The following DOCK1 variants were observed in gnomAD, a reference collection of about 807,000 sequenced individuals.
DOCK1 encodes the protein dedicator of cytokinesis protein 1.
Under a neutral mutation model 262.7 loss-of-function variants are expected in DOCK1, and 138 were observed. That is an observed-to-expected ratio of 0.53 (90% CI 0.46 to 0.61). The LOEUF (loss-of-function observed/expected upper bound fraction) is 0.61. Among genes scored for constraint, DOCK1 ranks in the 20% least tolerant of loss-of-function variants. DOCK1 has a pLI of 0.00. For synonymous variants in DOCK1, 866 were observed against 867.4 expected (o/e 1.00, Z 0.03); for missense variants, 1,908 against 2,370.7 (o/e 0.80, Z 4.05).
Position 127,039,705 on chromosome 10 carries a change from G to A in DOCK1, c.2010+1889G>A, listed in dbSNP as rs114070686. Among the ~76,000 whole-genome samples the A allele has an allele frequency of 4.2e-3, 636 of 152,232 alleles. 2 individuals are homozygous for A. The highest frequency in any genetic ancestry group is 0.014 in the African/African-American group (594 of 41,538). ...GGACTTGAGGAATTCCTGCCTGCAC[G>A]GGGCTCCTTTTGCTGATAGGGATGC... On this transcript the variant is annotated intron_variant, in intron 19 of 51. Transcript: ENST00000623213.
chr10:127,334,201 G>A (rs917942868), intron 29 of DOCK1, among the ~76,000 whole-genome samples: 4 of 152,224 alleles, frequency 2.6e-5, no homozygotes, highest in Non-Finnish European at 4.4e-5. Flanking sequence ...ACAACGTTCC[G>A]AAGGTCAGGT....
At chr10:127,448,033 G>A (rs1346842727) in intron 51 of DOCK1, among the ~76,000 whole-genome samples, 1 of 152,196 alleles carries the variant, frequency 6.6e-6, no homozygotes, top group Non-Finnish European at 1.5e-5. Flanking sequence ...CTCACCTGGT[G>A]CTGGGAGCTC....
intron 25 of DOCK1, among the ~76,000 whole-genome samples, chr10:127,111,768 C>T (rs2048880281): frequency 6.6e-6 from 1 of 152,196 alleles, no homozygotes; most frequent in Non-Finnish European, 1.5e-5. Context: ...CATACTGCAT[C>T]ACCAGCACTA....
In DOCK1 at chr10:127,012,907, C is replaced by T. The variant is rs1481786936; in HGVS notation, c.1201+533C>T. ...TGGTGACAGTTGGCACTTGGCTGGCCAGGAGGGCTGCCAGGAAACAACTGT... is the reference window on the plus strand; with the variant it reads ...TGGTGACAGTTGGCACTTGGCTGGCTAGGAGGGCTGCCAGGAAACAACTGT... On this transcript the variant is annotated intron_variant, in intron 12 of 51. Transcript: ENST00000623213. This position sits in a 1 kb window ranked among gnomAD's most constrained non-coding sequence, Gnocchi z 4.0. 2.0e-5 allele frequency among the ~76,000 whole-genome samples: 3 copies of T among 152,158 alleles called. No homozygotes were observed. Among genetic ancestry groups the T allele is most frequent in the Non-Finnish European group, 4.4e-5 (3 of 68,034 alleles).
intron 1 of DOCK1, among the ~76,000 whole-genome samples, chr10:126,945,426 G>T (rs925485364): frequency 6.6e-5 from 10 of 151,878 alleles, no homozygotes; most frequent in Non-Finnish European, 1.5e-4. Flanking sequence ...GCAGCGGAGA[G>T]GGGGAGAGGG....
intron 27 of DOCK1, chr10:127,145,922 G>A (rs1354977477): frequency 2.0e-6 from 1 of 494,690 alleles, no homozygotes; most frequent in Non-Finnish European, 4.0e-6. Context: ...ATTCCTGCAG[G>A]AGGTCCCTTC....
At chr10:126,949,930 A>T (rs2036047380) in intron 1 of DOCK1, among the ~76,000 whole-genome samples, 1 of 151,970 alleles carries the variant, frequency 6.6e-6, no homozygotes, top group Non-Finnish European at 1.5e-5. Context: ...GCCGCGTGTT[A>T]TGCAGCATGC....
intron 1 of DOCK1, among the ~76,000 whole-genome samples, chr10:126,941,679 C>T (rs1380213282): frequency 3.9e-5 from 6 of 151,986 alleles, no homozygotes; most frequent in Non-Finnish European, 8.8e-5. Context: ...GGCGTGAACC[C>T]GGGAGGCGGA....
chr10:127,164,763 ATTT>A (rs1348327996), intron 27 of DOCK1, among the ~76,000 whole-genome samples: 1 of 152,172 alleles, frequency 6.6e-6, no homozygotes, highest in African/African-American at 2.4e-5. Flanking sequence ...AGTAATTATT[ATTT>A]TGTGTGTGGA....
At chr10:127,000,068 C>T in intron 9 of DOCK1, 104 bp from the exon 10 acceptor site, 1 of 1,263,786 alleles carries the variant, frequency 7.9e-7, no homozygotes, top group Non-Finnish European at 1.1e-6. Flanking sequence ...ATGATAAAAA[C>T]TGGTCTGAGA....
chr10:126,943,469 A>G (rs1183797388), intron 1 of DOCK1, among the ~76,000 whole-genome samples: 1 of 152,180 alleles, frequency 6.6e-6, no homozygotes, highest in Non-Finnish European at 1.5e-5. Flanking sequence ...TGGTTGTAGC[A>G]TAAGATTGAG....
At chr10:127,034,571 T>G (rs1001452060) in intron 18 of DOCK1, among the ~76,000 whole-genome samples, 11 of 152,160 alleles carry the variant, frequency 7.2e-5, no homozygotes, top group Non-Finnish European at 1.5e-4. Context: ...TGTTAGTCTC[T>G]GGATGTGGCC....
chr10:127,019,343 C>T (rs112259597), intron 13 of DOCK1, among the ~76,000 whole-genome samples: 2,624 of 152,298 alleles, frequency 0.017, 33 homozygotes, highest in Non-Finnish European at 0.027. Context: ...TAATACTTTT[C>T]ATTTTCCAAA....
intron 40 of DOCK1, among the ~76,000 whole-genome samples, chr10:127,408,204 G>T (rs890700136): frequency 6.6e-6 from 1 of 152,086 alleles, no homozygotes; most frequent in East Asian, 1.9e-4. Flanking sequence ...TCCCCGCCCC[G>T]GACTGCCTAG....
At chr10:127,076,509 A>G (rs1224319659) in intron 23 of DOCK1, among the ~76,000 whole-genome samples, 1 of 152,196 alleles carries the variant, frequency 6.6e-6, no homozygotes, top group African/African-American at 2.4e-5. Flanking sequence ...TCAAAAAAGA[A>G]AAGAAAATAC....
At chr10:127,396,773 ATCT>A (rs1428510121) in intron 38 of DOCK1, among the ~76,000 whole-genome samples, 12 of 146,178 alleles carry the variant, frequency 8.2e-5, no homozygotes, top group African/African-American at 3.0e-4. Flanking sequence ...AAAAAAAAAA[ATCT>A]TCATTTTTTT....
intron 32 of DOCK1, among the ~76,000 whole-genome samples, 149 bp from the exon 33 acceptor site, chr10:127,361,912 AATC>A (rs1565025358): frequency 6.6e-6 from 1 of 152,192 alleles, no homozygotes; most frequent in African/African-American, 2.4e-5. Flanking sequence ...GAAAGTTCAA[AATC>A]ATCATCTGCA....
chr10:127,048,164 C>T (rs2044470162), intron 21 of DOCK1, among the ~76,000 whole-genome samples: 1 of 152,158 alleles, frequency 6.6e-6, no homozygotes, highest in East Asian at 1.9e-4. Flanking sequence ...TCTGTATCCT[C>T]ATCAACATTT....
At chr10:127,269,753 C>T (rs531997599) in intron 29 of DOCK1, among the ~76,000 whole-genome samples, 1 of 152,280 alleles carries the variant, frequency 6.6e-6, no homozygotes, top group East Asian at 1.9e-4. Context: ...TGAGTGGCTC[C>T]GGGCCCCCTG....
Sources: gnomAD v4.1 joint callset for allele counts (sites outside exome capture counted in the v4.1 genomes callset) on GRCh38, gnomAD v4.1.1 for gene constraint, Gnocchi (gnomAD v3.1) non-coding constraint, MANE v1.5 for transcripts, NCBI Gene and HGNC (gene_info 2026-07-23, HGNC 2026-07-21) for gene names.